The following CNTNAP3 variants were observed in gnomAD, a reference collection of about 807,000 sequenced individuals.
CNTNAP3 encodes the protein contactin associated protein family member 3, also known as contactin-associated protein-like 3.
Under a neutral mutation model 92.1 loss-of-function variants are expected in CNTNAP3, and 36 were observed. The ratio of observed to expected loss-of-function variants is 0.39; its 90% CI spans 0.30 to 0.52. CNTNAP3 has a LOEUF of 0.52. Ranked by LOEUF, CNTNAP3 falls within the 20% of genes least tolerant of loss-of-function variation. The probability of loss-of-function intolerance (pLI) is 0.76; values close to 1 mark genes in which losing one functional copy is unlikely to be tolerated. For synonymous variants in CNTNAP3, 232 were observed against 422.3 expected (o/e 0.55, Z 5.53); for missense variants, 534 against 1,069.6 (o/e 0.50, Z 6.98).
chr9:39,119,213 T>C (rs1463343552), intron 13 of CNTNAP3, among the ~76,000 whole-genome samples: 1 of 152,158 alleles, frequency 6.6e-6, no homozygotes, highest in East Asian at 1.9e-4. Context: ...CAAATTTCAA[T>C]AGGTTGTTAC....
In CNTNAP3 at chr9:39,132,938, A is replaced by C; in HGVS notation, c.2074T>G (p.Ser692Ala). ...CTCCAGGAGTGGCGCTTACCTCGTG[A>C]GTCCGGGCGCCGCGCCGTCCCGCAG... The part of the protein sequence containing the change: ...LRCGTARRPD[S>A]RDGTPLSWWV... The change falls in exon 13 of 24, where the codon TCA (serine) becomes GCA (alanine). Residue 692 changes from serine to alanine, a missense_variant. Physicochemically the swap from Ser to Ala is moderately conservative, Grantham distance 99. Transcript: ENST00000297668. The C allele has an allele frequency of 1.3e-6, 2 of 1,545,310 alleles. No homozygotes were observed. The highest frequency in any genetic ancestry group is 1.7e-6 in the Non-Finnish European group (2 of 1,155,476).
chr9:39,086,806 A>G lies in CNTNAP3; in HGVS notation c.3264T>C (p.Pro1088=), dbSNP rs1240243683. 14 of 1,610,512 alleles carry G rather than the reference A, an allele frequency of 8.7e-6. No homozygotes were observed. Among genetic ancestry groups the G allele is most frequent in the Non-Finnish European group, 1.1e-5 (13 of 1,179,440 alleles). The stretch of plus-strand genomic sequence containing the variant: ...TTTTAAAATCAAAGGTAAATGCATC[A>G]GGATTTTGATGTCTATCTAGCTTGT... The part of the protein sequence containing the change: ...IRYKLDRHQN[P]DAFTFDFKNM... The change falls in exon 20 of 24, where the codon CCT becomes CCC. Residue 1088 remains proline (P), a synonymous_variant. Transcript: ENST00000297668.
chr9:39,093,754 T>A (rs193259211), intron 18 of CNTNAP3, among the ~76,000 whole-genome samples: 2 of 151,736 alleles, frequency 1.3e-5, no homozygotes, highest in East Asian at 1.9e-4. Flanking sequence ...CTACATTTTT[T>A]AATCAATTCA....
intron 17 of CNTNAP3, among the ~76,000 whole-genome samples, chr9:39,101,977 G>A (rs1480900427): frequency 1.3e-5 from 2 of 152,156 alleles, no homozygotes; most frequent in African/African-American, 4.8e-5. Flanking sequence ...CCTAAACATT[G>A]ATACCTAAAC....
intron 23 of CNTNAP3, among the ~76,000 whole-genome samples, chr9:39,075,058 G>A (rs1825722635): frequency 6.6e-6 from 1 of 152,282 alleles, no homozygotes; most frequent in Admixed American, 6.5e-5. Flanking sequence ...GTGAGCCACC[G>A]CGCCCGGCCG....
chr9:39,132,810 C>G (rs1044944163), intron 13 of CNTNAP3, 122 bp downstream of exon 13: 12 of 1,163,380 alleles, frequency 1.0e-5, no homozygotes, highest in Non-Finnish European at 1.3e-5. Flanking sequence ...AGAGAGTGGT[C>G]AGGGCTTTGA....
intron 12 of CNTNAP3, among the ~76,000 whole-genome samples, chr9:39,136,078 G>A (rs1440924402): frequency 8.6e-5 from 13 of 151,372 alleles, no homozygotes; most frequent in African/African-American, 2.4e-4. Flanking sequence ...GCAGTGAGCC[G>A]AGATCGTGCC....
chr9:39,085,546 T>C, intron 21 of CNTNAP3, 190 bp downstream of exon 21: 1 of 600,660 alleles, frequency 1.7e-6, no homozygotes, highest in Non-Finnish European at 2.9e-6. Context: ...GGAACGCCCT[T>C]GCACATCTCA....
intron 13 of CNTNAP3, among the ~76,000 whole-genome samples, chr9:39,130,694 C>T (rs1821265968): frequency 2.0e-5 from 3 of 151,880 alleles, no homozygotes; most frequent in African/African-American, 2.4e-5. Context: ...TTAGTAGAGA[C>T]GGTGTTTCAT....
chr9:39,231,954 G>GTATATATATATA (rs1281312490), intron 3 of CNTNAP3, among the ~76,000 whole-genome samples: 1 of 5,958 alleles, frequency 1.7e-4, no homozygotes, highest in African/African-American at 1.8e-4. Context: ...GTGTATGTGT[G>GTATATATATATA]TATATATATA....
At chr9:39,136,916 C>CT (rs202000871) in intron 12 of CNTNAP3, among the ~76,000 whole-genome samples, 2,024 of 152,254 alleles carry the variant, frequency 0.013, 21 homozygotes, top group Non-Finnish European at 0.02. Flanking sequence ...AAGGAGTTTA[C>CT]TTTTATCTTT....
At chr9:39,168,449 C>G (rs1306275257) in intron 8 of CNTNAP3, among the ~76,000 whole-genome samples, 3 of 84,954 alleles carry the variant, frequency 3.5e-5, no homozygotes, top group Non-Finnish European at 4.7e-5. Context: ...TTCCTCTACC[C>G]CATCCCATGG....
intron 21 of CNTNAP3, among the ~76,000 whole-genome samples, chr9:39,079,383 A>G (rs1235488069): frequency 6.6e-6 from 1 of 150,414 alleles, no homozygotes; most frequent in Non-Finnish European, 1.5e-5. Context: ...CTTTCATATT[A>G]TCTTAATAAA....
intron 14 of CNTNAP3, among the ~76,000 whole-genome samples, chr9:39,110,508 G>A (rs1210573074): frequency 6.6e-6 from 1 of 152,128 alleles, no homozygotes; most frequent in Non-Finnish European, 1.5e-5. Flanking sequence ...TTTAGTCTCT[G>A]CCTTCTGAAA....
chr9:39,098,464 C>A (rs1279429525), intron 18 of CNTNAP3, among the ~76,000 whole-genome samples: 8 of 152,020 alleles, frequency 5.3e-5, no homozygotes, highest in Non-Finnish European at 2.9e-5. Flanking sequence ...ACATATGCCC[C>A]AGCCACTGGA....
At chr9:39,183,900 G>A (rs1188250127) in intron 4 of CNTNAP3, among the ~76,000 whole-genome samples, 1 of 143,996 alleles carries the variant, frequency 6.9e-6, no homozygotes, top group South Asian at 2.2e-4. Context: ...CTCACTAATT[G>A]CCATTTGCAT....
At chr9:39,132,475 G>A (rs1439782950) in intron 13 of CNTNAP3, among the ~76,000 whole-genome samples, 1 of 152,116 alleles carries the variant, frequency 6.6e-6, no homozygotes, top group Non-Finnish European at 1.5e-5. Flanking sequence ...CACAGTGAAA[G>A]TGGCGGGGCT....
At chr9:39,142,913 G>A (rs575700844) in intron 11 of CNTNAP3, among the ~76,000 whole-genome samples, 91 of 151,974 alleles carry the variant, frequency 6.0e-4, no homozygotes, top group African/African-American at 1.9e-3. Flanking sequence ...AATGTCTCAC[G>A]GAAGAGTTCT....
intron 13 of CNTNAP3, among the ~76,000 whole-genome samples, chr9:39,131,278 A>G (rs1821286649): frequency 6.6e-6 from 1 of 152,152 alleles, no homozygotes; most frequent in Non-Finnish European, 1.5e-5. Flanking sequence ...TATAAAAGAA[A>G]CCCCATGAGA....
Sources: allele counts gnomAD v4.1 joint callset (sites outside exome capture counted in the v4.1 genomes callset), GRCh38; gene constraint gnomAD v4.1.1; transcripts MANE v1.5; gene names NCBI Gene and HGNC (gene_info 2026-07-23, HGNC 2026-07-21).